The following ENPP3 variants were observed in gnomAD, a reference collection of about 807,000 sequenced individuals.
ENPP3 encodes ectonucleotide pyrophosphatase/phosphodiesterase family member 3.
Under a neutral mutation model 117.8 loss-of-function variants are expected in ENPP3, and 104 were observed. The observed-to-expected ratio is 0.88, with a 90% CI of 0.75 to 1.04. The LOEUF (loss-of-function observed/expected upper bound fraction) is 1.04. Ranked by LOEUF, ENPP3 falls within the 50% of genes least tolerant of loss-of-function variation. The pLI is 0.00. For synonymous variants in ENPP3, 380 were observed against 349.9 expected, an observed-to-expected ratio of 1.09 and a Z score of -0.96; for missense variants, 1,026 against 1,051.9, an observed-to-expected ratio of 0.98 and a Z score of 0.34.
At chr6:131,697,706 T>C (rs574269163) in intron 15 of ENPP3, among the ~76,000 whole-genome samples, 1 of 152,050 alleles carries the variant, frequency 6.6e-6, no homozygotes, top group Non-Finnish European at 1.5e-5. Context: ...CACCCTCCTA[T>C]GAGAATCTAA....
intron 12 of ENPP3, among the ~76,000 whole-genome samples, chr6:131,683,564 AT>A (rs1243096472): frequency 6.6e-6 from 1 of 151,928 alleles, no homozygotes; most frequent in East Asian, 1.9e-4. Context: ...ATGTAAATAG[AT>A]GTGTGTTTAT....
At position 131,676,726 on chromosome 6, in the gene ENPP3, A is replaced by AT. The variant is rs764396343; in HGVS notation, c.873-4dup. On this transcript the variant is annotated splice_polypyrimidine_tract_variant and intron_variant, in intron 9 of 24. Coordinates refer to ENST00000357639, the MANE Select transcript of ENPP3 (RefSeq NM_005021.5). Reference sequence around the variant, plus strand: ...CATTTTAAAGAATTATTTCTACCCTATTTTTTCAGAAGTGTCCCATTTGAA... The same window carrying AT: ...CATTTTAAAGAATTATTTCTACCCTATTTTTTTCAGAAGTGTCCCATTTGAA... 3 of 1,566,830 alleles carry AT rather than the reference A, an allele frequency of 1.9e-6. No homozygotes were observed. The highest frequency in any genetic ancestry group is 2.6e-6 in the Non-Finnish European group (3 of 1,137,292).
chr6:131,729,866 C>CT (rs926827599), intron 20 of ENPP3, among the ~76,000 whole-genome samples: 39 of 145,668 alleles, frequency 2.7e-4, no homozygotes, highest in African/African-American at 5.0e-4. Context: ...GAAAATGTGA[C>CT]TTTTTTTTTT....
At chr6:131,651,945 G>A (rs945105951) in intron 3 of ENPP3, among the ~76,000 whole-genome samples, 3 of 152,236 alleles carry the variant, frequency 2.0e-5, no homozygotes, top group Middle Eastern at 6.8e-3. Context: ...CCTGGCAGGT[G>A]GCAGTGCCAA....
intron 2 of ENPP3, among the ~76,000 whole-genome samples, chr6:131,648,950 C>A (rs183746486): frequency 2.0e-5 from 3 of 152,280 alleles, no homozygotes; most frequent in Admixed American, 1.3e-4. Flanking sequence ...AATATTCAGA[C>A]CCCCTCCTAA....
intron 21 of ENPP3, among the ~76,000 whole-genome samples, chr6:131,734,906 A>G (rs959295289): frequency 4.6e-5 from 7 of 151,964 alleles, no homozygotes; most frequent in Non-Finnish European, 8.8e-5. Context: ...TCTCAAAAAA[A>G]AAAAAAAAAG....
At chr6:131,652,348 C>CG (rs1476542707) in intron 3 of ENPP3, among the ~76,000 whole-genome samples, 194 bp from the exon 4 acceptor site, 1 of 152,226 alleles carries the variant, frequency 6.6e-6, no homozygotes, top group African/African-American at 2.4e-5. Flanking sequence ...TATAAAGCTG[C>CG]ATTTCTCTCT....
chr6:131,683,808 T>G (rs1238064227), intron 12 of ENPP3, among the ~76,000 whole-genome samples: 2 of 149,756 alleles, frequency 1.3e-5, no homozygotes, highest in Non-Finnish European at 2.9e-5. Flanking sequence ...TGGAATGCAG[T>G]GGCCCGATCT....
intron 5 of ENPP3, among the ~76,000 whole-genome samples, chr6:131,654,109 T>TTTATTATTATTATTA (rs35379106): frequency 3.1e-4 from 45 of 143,306 alleles, no homozygotes; most frequent in Non-Finnish European, 1.5e-4. Flanking sequence ...AAATTTAAGT[T>TTTATTATTATTATTA]TTATTATTAT....
intron 24 of ENPP3, among the ~76,000 whole-genome samples, chr6:131,745,085 T>C (rs1176065637): frequency 6.6e-6 from 1 of 152,106 alleles, no homozygotes; most frequent in Non-Finnish European, 1.5e-5. Flanking sequence ...AAACATTTAG[T>C]TGGATGGATG....
intron 6 of ENPP3, among the ~76,000 whole-genome samples, chr6:131,659,631 G>A (rs1461621048): frequency 6.6e-6 from 1 of 152,076 alleles, no homozygotes; most frequent in Non-Finnish European, 1.5e-5. Flanking sequence ...CAAATGCCAT[G>A]GTTGTAGGAA....
chr6:131,714,287 A>G (rs1171311186), intron 15 of ENPP3, among the ~76,000 whole-genome samples: 1 of 109,294 alleles, frequency 9.1e-6, no homozygotes, highest in African/African-American at 3.9e-5. Flanking sequence ...TTAATAGTTG[A>G]AAGCCATCAT....
chr6:131,653,028 T>A, intron 5 of ENPP3, 137 bp downstream of exon 5: 1 of 529,750 alleles, frequency 1.9e-6, no homozygotes, highest in Non-Finnish European at 3.3e-6. Context: ...AAGGATTAGA[T>A]TTCTTGTGGC....
chr6:131,671,241 G>A lies in ENPP3; in HGVS notation c.563-7G>A, dbSNP rs1778733672. Reference sequence around the variant, plus strand: ...ACTTCCTAATTTCTCACCATATTCTGTTGCAGAAACATGTGGAATTCATTC... The same window carrying A: ...ACTTCCTAATTTCTCACCATATTCTATTGCAGAAACATGTGGAATTCATTC... On this transcript the variant is annotated splice_polypyrimidine_tract_variant and splice_region_variant and intron_variant, in intron 6 of 24. Coordinates refer to ENST00000357639, the MANE Select transcript of ENPP3 (RefSeq NM_005021.5). The A allele has an allele frequency of 2.6e-6, 4 of 1,549,548 alleles. No homozygotes were observed. The highest frequency in any genetic ancestry group is 1.7e-5 in the Admixed American group (1 of 59,416).
intron 6 of ENPP3, among the ~76,000 whole-genome samples, chr6:131,664,835 A>C (rs1446888833): frequency 6.6e-6 from 1 of 152,202 alleles, no homozygotes; most frequent in African/African-American, 2.4e-5. Flanking sequence ...GGTTTGCTTA[A>C]GTACACCATA....
chr6:131,689,627 A>C (rs1779234511), intron 14 of ENPP3, among the ~76,000 whole-genome samples: 5 of 152,238 alleles, frequency 3.3e-5, no homozygotes, highest in African/African-American at 1.2e-4. Context: ...GGATATTTTC[A>C]TGTCTGCTAA....
chr6:131,743,328 G>A (rs1780568298), intron 24 of ENPP3, among the ~76,000 whole-genome samples: 1 of 152,046 alleles, frequency 6.6e-6, no homozygotes, highest in South Asian at 2.1e-4. Flanking sequence ...TTTGGAGTTG[G>A]ACCTCCTGGG....
Position 131,738,183 on chromosome 6 carries a change from G to T in ENPP3, c.2300+20G>T. ...TACCAAGTAAGTGATTTGACTTTTT[G>T]ATTTATCAATAGGGTCTCATGAGGG... On this transcript the variant is annotated intron_variant, in intron 23 of 24. Transcript: ENST00000357639. 6.2e-7 allele frequency: 1 copy of T among 1,602,496 alleles called. No individual in the cohort carries two copies. The highest frequency in any genetic ancestry group is 1.1e-5 in the South Asian group (1 of 90,192).
Position 131,693,572 on chromosome 6 carries a change from G to A in ENPP3, c.1360G>A (p.Val454Ile), listed in dbSNP as rs529985548. Residue 454 changes from valine (V) to isoleucine (I), a missense_variant, in exon 15 of 25, where the codon GTC becomes ATC. Coordinates refer to ENST00000357639, the MANE Select transcript of ENPP3 (RefSeq NM_005021.5). ...LPKRLHYAKN[V>I]RIDKVHLFVD... is the part of the protein sequence containing the mutation. The stretch of plus-strand genomic sequence containing the variant: ...AAAGCGACTGCACTATGCCAAGAAC[G>A]TCAGAATCGACAAAGTTCATCTCTT... The A allele has an allele frequency of 6.6e-5, 107 of 1,613,802 alleles. No homozygotes were observed. The highest frequency in any genetic ancestry group is 8.5e-5 in the Non-Finnish European group (100 of 1,179,860).
Sources: allele counts gnomAD v4.1 joint callset (sites outside exome capture counted in the v4.1 genomes callset), GRCh38; gene constraint gnomAD v4.1.1; transcripts MANE v1.5; gene names NCBI Gene and HGNC (gene_info 2026-07-23, HGNC 2026-07-21).